Variants in ERG observed in about 807,000 individuals in gnomAD.
ERG encodes transcriptional regulator ERG.
In ERG, 9 loss-of-function variants were observed where a neutral mutation model predicts 55.3. That is an observed-to-expected ratio of 0.16 (90% CI 0.10 to 0.28). ERG has a LOEUF of 0.28. Ranked by LOEUF, ERG falls within the 10% of genes least tolerant of loss-of-function variation. The probability of loss-of-function intolerance (pLI) is 1.00; values close to 1 mark genes in which losing one functional copy is unlikely to be tolerated. For missense variants in ERG, 434 were observed against 631.6 expected (o/e 0.69, Z 3.35); for synonymous variants, 223 against 237.3 (o/e 0.94, Z 0.55).
intron 2 of ERG, among the ~76,000 whole-genome samples, chr21:38,545,227 CT>C (rs892097550): frequency 4.6e-5 from 7 of 152,144 alleles, no homozygotes; most frequent in Non-Finnish European, 8.8e-5. Flanking sequence ...AAAGGTTGAC[CT>C]TGTTTTCTAT....
At position 38,380,650 on chromosome 21, in the gene ERG, C is replaced by T; in HGVS notation, c.*2753G>A. The stretch of plus-strand genomic sequence containing the variant: ...TACAACAGTAACAGAGAGTTAATGC[C>T]ATTTTGAAACAATTTAAGAATTATG... On this transcript the variant is annotated 3_prime_UTR_variant, in exon 10 of 10. Transcript: ENST00000288319. The T allele has an allele frequency of 9.4e-7, 1 of 1,064,858 alleles. No individual in the cohort carries two copies. Among genetic ancestry groups the T allele is most frequent in the African/African-American group, 1.6e-5 (1 of 61,132 alleles). 66.0% of individuals were successfully genotyped at this position (1,064,858 alleles called of 1,614,324 possible).
intron 3 of ERG, among the ~76,000 whole-genome samples, chr21:38,413,195 T>A (rs374414842): frequency 6.6e-5 from 10 of 152,296 alleles, no homozygotes; most frequent in Middle Eastern, 3.4e-3. Context: ...ATTCTCACTT[T>A]TTTCCTTATT....
chr21:38,423,650 A>G lies in ERG; in HGVS notation c.237-89T>C, dbSNP rs541750586. On this transcript the variant is annotated intron_variant, in intron 2 of 9. Transcript: ENST00000288319. ...TCACAATACACAGAGAGAACCAAAG[A>G]AGGGCAAGGCGGAAGAGACTGGGGG... 2.2e-5 allele frequency: 31 copies of G among 1,381,142 alleles called. No individual in the cohort carries two copies. The African/African-American group carries it at 3.6e-4, about 16-fold the overall frequency. The allele number at this position is 1,381,142 out of a possible 1,614,324, so 85.6% of individuals were successfully genotyped here. A position where few individuals can be genotyped will look rare whatever the true frequency, so the allele number is the denominator to read the frequency against.
intron 1 of ERG, among the ~76,000 whole-genome samples, chr21:38,634,494 C>T (rs181535859): frequency 4.0e-4 from 61 of 152,312 alleles, no homozygotes; most frequent in Middle Eastern, 3.4e-3. Flanking sequence ...TCTAACTAGA[C>T]CCCAAATATC....
Position 38,392,371 on chromosome 21 carries a change from T to C in ERG, c.814+5A>G, listed in dbSNP as rs952195405. On this transcript the variant is annotated splice_donor_5th_base_variant and intron_variant, in intron 7 of 9. Coordinates refer to ENST00000288319, the MANE Select transcript of ERG (RefSeq NM_182918.4). ...AACTCAGGGTCATGGGAGCCAACACTGTACCTTTCGACTGGGGCGTGGGGT... is the reference window on the plus strand; with the variant it reads ...AACTCAGGGTCATGGGAGCCAACACCGTACCTTTCGACTGGGGCGTGGGGT... 3.2e-6 allele frequency: 5 copies of C among 1,562,794 alleles called. No homozygotes were observed. Among genetic ancestry groups the C allele is most frequent in the Non-Finnish European group, 4.3e-6 (5 of 1,152,086 alleles).
chr21:38,608,529 G>A (rs926538952), intron 1 of ERG, among the ~76,000 whole-genome samples: 18 of 152,200 alleles, frequency 1.2e-4, no homozygotes, highest in Middle Eastern at 3.4e-3. Flanking sequence ...AGAGGTTGTC[G>A]CTCTCACCTA....
chr21:38,557,750 G>A (rs1373871097), intron 2 of ERG, among the ~76,000 whole-genome samples: 1 of 152,052 alleles, frequency 6.6e-6, no homozygotes, highest in Non-Finnish European at 1.5e-5. Flanking sequence ...GATTTCCCTG[G>A]ATTTCTCAAA....
At chr21:38,623,427 T>C (rs968170467) in intron 1 of ERG, among the ~76,000 whole-genome samples, 1 of 152,156 alleles carries the variant, frequency 6.6e-6, no homozygotes, top group African/African-American at 2.4e-5. Flanking sequence ...TCTCTTGCCC[T>C]GCATATTGGA....
chr21:38,525,134 G>T (rs780839387), intron 2 of ERG, among the ~76,000 whole-genome samples: 2 of 152,146 alleles, frequency 1.3e-5, no homozygotes, highest in Non-Finnish European at 2.9e-5. Context: ...AAAACTAAAA[G>T]AGAAATTTAT....
intron 2 of ERG, among the ~76,000 whole-genome samples, chr21:38,424,181 GCTCGAGCTCTCTCTCT>G (rs1464154829): frequency 0.02 from 1,738 of 88,066 alleles, 65 homozygotes; most frequent in African/African-American, 0.069. Context: ...AGAGACCAGA[GCTCGAGCTCTCTCTCT>G]CTCTCTCTCT....
intron 6 of ERG, chr21:38,395,663 T>TA (rs1039181030): frequency 1.1e-5 from 2 of 176,462 alleles, no homozygotes; most frequent in African/African-American, 4.7e-5. Flanking sequence ...CACAACAGTA[T>TA]AAAAAACAGC....
chr21:38,610,920 G>A (rs1262351768), intron 1 of ERG, among the ~76,000 whole-genome samples: 1 of 152,182 alleles, frequency 6.6e-6, no homozygotes, highest in African/African-American at 2.4e-5. Flanking sequence ...TCACACAGAG[G>A]AGAAAAGAAG....
At chr21:38,485,547 A>G (rs1401767237) in intron 1 of ERG, among the ~76,000 whole-genome samples, 6 of 150,738 alleles carry the variant, frequency 4.0e-5, no homozygotes, top group Admixed American at 6.7e-5. Flanking sequence ...GCAACCTCCA[A>G]CTCCCTGGTT....
chr21:38,433,244 G>A (rs187819494), intron 2 of ERG, among the ~76,000 whole-genome samples: 1 of 152,322 alleles, frequency 6.6e-6, no homozygotes, highest in Non-Finnish European at 1.5e-5. Flanking sequence ...AAGTCCCCAT[G>A]ACGAGACAGC....
intron 2 of ERG, among the ~76,000 whole-genome samples, chr21:38,536,999 G>C (rs1267748483): frequency 2.0e-5 from 3 of 152,040 alleles, no homozygotes; most frequent in Non-Finnish European, 4.4e-5. Flanking sequence ...ATAAACTATT[G>C]CATATATGGT....
intron 1 of ERG, among the ~76,000 whole-genome samples, chr21:38,483,196 T>C (rs1182487249): frequency 2.0e-5 from 3 of 152,184 alleles, no homozygotes; most frequent in African/African-American, 4.8e-5. Flanking sequence ...TGAACAAGTC[T>C]AGAGATCTAA....
In ERG at chr21:38,653,729, G is replaced by A. The variant is rs529225165; in HGVS notation, c.-150+7929C>T. On this transcript the variant is annotated intron_variant, in intron 1 of 10. Coordinates refer to the ERG transcript ENST00000398910. Reference sequence around the variant, plus strand: ...TCTCCCACTAAATTTGCAGTTGTTCGTCTAATCTCTAGACGTGTCCCGTGT... The same window carrying A: ...TCTCCCACTAAATTTGCAGTTGTTCATCTAATCTCTAGACGTGTCCCGTGT... 5.4e-4 allele frequency among the ~76,000 whole-genome samples: 82 copies of A among 152,262 alleles called. 1 individual carries two copies. The highest frequency in any genetic ancestry group is 1.9e-3 in the African/African-American group (79 of 41,564).
At chr21:38,441,658 G>A (rs990842304) in intron 2 of ERG, among the ~76,000 whole-genome samples, 1 of 152,172 alleles carries the variant, frequency 6.6e-6, no homozygotes, top group East Asian at 1.9e-4. Context: ...CTTCTACAAA[G>A]GGGATTAGTG....
At chr21:38,463,218 T>C (rs1013052664) in intron 1 of ERG, among the ~76,000 whole-genome samples, 2 of 152,228 alleles carry the variant, frequency 1.3e-5, no homozygotes, top group Non-Finnish European at 2.9e-5. Flanking sequence ...CTGGGGTCTG[T>C]GCTTGGGTGT....
Sources: allele counts gnomAD v4.1 joint callset (sites outside exome capture counted in the v4.1 genomes callset), GRCh38; gene constraint gnomAD v4.1.1; transcripts MANE v1.5; gene names NCBI Gene and HGNC (gene_info 2026-07-23, HGNC 2026-07-21).